Variants in ULK4 observed in about 807,000 individuals in gnomAD.
ULK4 encodes unc-51 like kinase 4.
Under a neutral mutation model 160.6 loss-of-function variants are expected in ULK4, and 133 were observed. That is an observed-to-expected ratio of 0.83 (90% confidence interval 0.72 to 0.96). The LOEUF is 0.96. ULK4 is among the 40% of genes least tolerant of loss of function. ULK4 has a pLI of 0.00. For synonymous variants in ULK4, 534 were observed against 539.8 expected (o/e 0.99, Z 0.15); for missense variants, 1,580 against 1,499.5 (o/e 1.05, Z -0.89).
intron 23 of ULK4, among the ~76,000 whole-genome samples, chr3:41,717,289 CA>C (rs1367910611): frequency 6.7e-6 from 1 of 149,034 alleles, no homozygotes; most frequent in Non-Finnish European, 1.5e-5. Context: ...CTTGTTTCAG[CA>C]AGGGAAAAAA....
At chr3:41,866,208 T>C (rs1696867160) in intron 17 of ULK4, among the ~76,000 whole-genome samples, 1 of 152,234 alleles carries the variant, frequency 6.6e-6, no homozygotes, top group African/African-American at 2.4e-5. Flanking sequence ...GCAAGCTATA[T>C]GTACATCGTA....
chr3:41,297,129 C>G (rs1169429829), intron 35 of ULK4, among the ~76,000 whole-genome samples: 2 of 152,170 alleles, frequency 1.3e-5, no homozygotes, highest in Non-Finnish European at 2.9e-5. Flanking sequence ...TCACTGAAGC[C>G]CATCCATCTT....
intron 19 of ULK4, among the ~76,000 whole-genome samples, chr3:41,803,017 T>G (rs568606120): frequency 1.3e-4 from 19 of 151,900 alleles, no homozygotes; most frequent in African/African-American, 4.1e-4. Flanking sequence ...ACACAAAAAT[T>G]AGCTGGGCAT....
chr3:41,409,508 TATATA>T (rs1177136806), intron 34 of ULK4, among the ~76,000 whole-genome samples: 1 of 152,212 alleles, frequency 6.6e-6, no homozygotes, highest in African/African-American at 2.4e-5. Flanking sequence ...ATATACATGA[TATATA>T]ATATTTCTTA....
At chr3:41,418,570 T>C (rs1485370367) in intron 34 of ULK4, among the ~76,000 whole-genome samples, 1 of 151,580 alleles carries the variant, frequency 6.6e-6, no homozygotes, top group Admixed American at 6.6e-5. Context: ...TAATCTAGTC[T>C]TCATTTCCTT....
chr3:41,726,369 A>G (rs1448697444), intron 22 of ULK4, among the ~76,000 whole-genome samples: 1 of 152,248 alleles, frequency 6.6e-6, no homozygotes, highest in African/African-American at 2.4e-5. Flanking sequence ...TCACAGCTAC[A>G]GTAGAATAAA....
At chr3:41,760,967 C>T (rs1405893511) in intron 21 of ULK4, among the ~76,000 whole-genome samples, 2 of 152,140 alleles carry the variant, frequency 1.3e-5, no homozygotes, top group Non-Finnish European at 2.9e-5. Flanking sequence ...CTCACCTGCA[C>T]TGTATTAACT....
At chr3:41,809,492 G>C (rs758166822) in intron 19 of ULK4, among the ~76,000 whole-genome samples, 2 of 152,122 alleles carry the variant, frequency 1.3e-5, no homozygotes, top group African/African-American at 4.8e-5. Flanking sequence ...GAAAAAGTAG[G>C]CGTGTAGACT....
intron 32 of ULK4, among the ~76,000 whole-genome samples, chr3:41,522,020 C>T (rs2125932333): frequency 6.6e-6 from 1 of 152,082 alleles, no homozygotes; most frequent in South Asian, 2.1e-4. Flanking sequence ...TCATTGTATG[C>T]TATTCTCTGA....
chr3:41,935,209 A>ATTTATTT (rs1559660879), intron 4 of ULK4, among the ~76,000 whole-genome samples: 6 of 135,596 alleles, frequency 4.4e-5, no homozygotes, highest in African/African-American at 6.5e-5. Context: ...TTATTTATTT[A>ATTTATTT]TTTTTTTTTT....
chr3:41,262,929 T>G (rs1026659791), intron 35 of ULK4, among the ~76,000 whole-genome samples: 1 of 152,162 alleles, frequency 6.6e-6, no homozygotes, highest in Non-Finnish European at 1.5e-5. Context: ...ACAGTTTTAA[T>G]TGGCAAAAAA....
intron 35 of ULK4, among the ~76,000 whole-genome samples, chr3:41,368,174 A>G (rs2081290037): frequency 6.6e-6 from 1 of 151,674 alleles, no homozygotes; most frequent in Admixed American, 6.6e-5. Flanking sequence ...CAGCCTCCTG[A>G]GTAGCTGGCA....
intron 21 of ULK4, among the ~76,000 whole-genome samples, chr3:41,756,214 T>G: frequency 6.6e-6 from 1 of 152,158 alleles, no homozygotes; most frequent in Non-Finnish European, 1.5e-5. Context: ...CCAAGCTCTG[T>G]GAAAATGACA....
chr3:41,933,787 C>T (rs1418481833), intron 4 of ULK4, among the ~76,000 whole-genome samples: 3 of 151,928 alleles, frequency 2.0e-5, no homozygotes, highest in African/African-American at 2.4e-5. Context: ...TGGTGGCTCA[C>T]GCCTGTAATC....
At chr3:41,669,009 T>C (rs1011228959) in intron 29 of ULK4, among the ~76,000 whole-genome samples, 2 of 152,124 alleles carry the variant, frequency 1.3e-5, no homozygotes, top group Admixed American at 1.3e-4. Flanking sequence ...AAAGAGCTTT[T>C]GCAAATCAAT....
chr3:41,550,805 C>A (rs2087034900), intron 32 of ULK4, among the ~76,000 whole-genome samples: 1 of 151,970 alleles, frequency 6.6e-6, no homozygotes, highest in African/African-American at 2.4e-5. Context: ...ATTTGCGGAA[C>A]ATTTAATCCA....
chr3:41,613,596 A>G (rs2032815387), intron 31 of ULK4, among the ~76,000 whole-genome samples: 1 of 152,248 alleles, frequency 6.6e-6, no homozygotes, highest in African/African-American at 2.4e-5. Flanking sequence ...TAAAAGGATA[A>G]GTAATAGTTC....
chr3:41,865,264 C>G (rs1183213764), intron 17 of ULK4, among the ~76,000 whole-genome samples: 1 of 97,504 alleles, frequency 1.0e-5, no homozygotes, highest in Non-Finnish European at 1.9e-5. Flanking sequence ...GAGCAAGACT[C>G]TGTCTTTAAA....
In ULK4 at chr3:41,731,280, A is replaced by C. The variant is rs187741344; in HGVS notation, c.2322-13419T>G. On this transcript the variant is annotated intron_variant, in intron 22 of 36. Transcript: ENST00000301831. ...AATCTTGAAGCTATAGAAAATCCTA[A>C]AGGCTCCACCAAAAAACTCTTACAA... 2.4e-3 allele frequency among the ~76,000 whole-genome samples: 368 copies of C among 152,198 alleles called. 1 individual carries two copies. The highest frequency in any genetic ancestry group is 7.9e-3 in the African/African-American group (328 of 41,558).
Sources: gnomAD v4.1 joint callset for allele counts (sites outside exome capture counted in the v4.1 genomes callset) on GRCh38, gnomAD v4.1.1 for gene constraint, MANE v1.5 for transcripts, NCBI Gene and HGNC (gene_info 2026-07-23, HGNC 2026-07-21) for gene names.